NME7: variants seen among roughly 807,000 people sequenced by gnomAD.
The protein encoded by NME7 is nucleoside diphosphate kinase 7.
In NME7, 41 loss-of-function variants were observed where a neutral mutation model predicts 49.1. That is an observed-to-expected ratio of 0.83 (90% confidence interval 0.65 to 1.08). NME7 has a LOEUF of 1.08. Among genes scored for constraint, NME7 ranks in the 50% least tolerant of loss-of-function variants. NME7 has a pLI of 0.00. For missense variants in NME7, 423 were observed against 463.4 expected, an observed-to-expected ratio of 0.91 and a Z score of 0.80; for synonymous variants, 139 against 150.6, an observed-to-expected ratio of 0.92 and a Z score of 0.56.
chr1:169,336,969 G>A (rs888181750), intron 1 of NME7, among the ~76,000 whole-genome samples: 4 of 152,178 alleles, frequency 2.6e-5, no homozygotes, highest in African/African-American at 9.7e-5. Flanking sequence ...AGACATAAAG[G>A]TCCTCCAAGG....
intron 10 of NME7, among the ~76,000 whole-genome samples, chr1:169,215,575 C>CA (rs1052164505): frequency 2.4e-4 from 34 of 139,500 alleles, no homozygotes; most frequent in East Asian, 1.0e-3. Context: ...CAAAATGAAA[C>CA]AAAAAAAAAA....
chr1:169,169,544 C>T lies in NME7; in HGVS notation c.1001G>A (p.Arg334Gln), dbSNP rs150610040. The change falls in exon 11 of 12, where the codon CGG becomes CAG. Residue 334 changes from arginine (R) to glutamine (Q), a missense_variant. Physicochemically the swap from Arg to Gln is conservative, Grantham distance 43. Transcript: ENST00000367811. ...FCGPADPEIA[R>Q]HLRPGTLRAI... ...TCTGAGAGTTCCAGGGCGTAAATGC[C>T]GGGCAATTTCCTATTAAACATACAT... is the stretch of plus-strand genomic sequence containing the variant. 2.3e-4 allele frequency: 379 copies of T among 1,613,482 alleles called. No homozygotes were observed. Among genetic ancestry groups the T allele is most frequent in the Middle Eastern group, 4.9e-4 (3 of 6,080 alleles).
chr1:169,288,612 A>T (rs1394430910), intron 6 of NME7, among the ~76,000 whole-genome samples: 2 of 152,158 alleles, frequency 1.3e-5, no homozygotes, highest in Non-Finnish European at 2.9e-5. Context: ...ACTGATGAGC[A>T]TTTTTTTAAA....
At chr1:169,266,269 T>C (rs1649317659) in intron 7 of NME7, among the ~76,000 whole-genome samples, 1 of 133,536 alleles carries the variant, frequency 7.5e-6, no homozygotes, top group Admixed American at 7.3e-5. Context: ...TCCACCATGA[T>C]CAAGTAGGCT....
chr1:169,238,511 A>C (rs146050672), intron 7 of NME7, among the ~76,000 whole-genome samples: 17 of 150,772 alleles, frequency 1.1e-4, no homozygotes, highest in African/African-American at 4.2e-4. Context: ...ACACACACAC[A>C]CACACCATAT....
At chr1:169,169,857 A>T (rs1217550354) in intron 10 of NME7, among the ~76,000 whole-genome samples, 1 of 152,230 alleles carries the variant, frequency 6.6e-6, no homozygotes, top group Non-Finnish European at 1.5e-5. Flanking sequence ...ATTTAAAATG[A>T]ACCAATTTGA....
chr1:169,253,794 G>T (rs1385445614), intron 7 of NME7, among the ~76,000 whole-genome samples: 2 of 151,650 alleles, frequency 1.3e-5, no homozygotes, highest in Non-Finnish European at 2.9e-5. Flanking sequence ...TTTTGTCAAA[G>T]GCTTTTTCTG....
Position 169,296,472 on chromosome 1 carries a change from C to A in NME7, c.648+2084G>T, listed in dbSNP as rs201721456. Among the ~76,000 whole-genome samples, 884 of 144,708 alleles carry A rather than the reference C, an allele frequency of 6.1e-3. 5 individuals carry two copies. The highest frequency in any genetic ancestry group is 8.2e-3 in the Admixed American group (118 of 14,344). The allele number at this position is 144,708 out of a possible 152,430, so 94.9% of individuals were successfully genotyped here. On this transcript the variant is annotated intron_variant, in intron 6 of 11. Transcript: ENST00000367811. Reference sequence around the variant, plus strand: ...CTCCTTTGCTGCCTTCTTCTCCTTACCTTTTATCAAGATGTAGCTTCATCT... The same window carrying A: ...CTCCTTTGCTGCCTTCTTCTCCTTAACTTTTATCAAGATGTAGCTTCATCT...
intron 10 of NME7, among the ~76,000 whole-genome samples, chr1:169,174,025 C>T (rs1400863326): frequency 6.6e-6 from 1 of 152,156 alleles, no homozygotes; most frequent in East Asian, 1.9e-4. Context: ...TCATCCTCCC[C>T]TAAAACCTTG....
At chr1:169,300,600 A>G (rs1011708833) in intron 5 of NME7, among the ~76,000 whole-genome samples, 2 of 152,180 alleles carry the variant, frequency 1.3e-5, no homozygotes, top group African/African-American at 4.8e-5. Flanking sequence ...TATGTCAAGG[A>G]ACAAAATATA....
chr1:169,279,182 C>A (rs4614315), intron 7 of NME7, among the ~76,000 whole-genome samples: 96,256 of 151,978 alleles, frequency 0.63, 30,789 homozygotes, highest in East Asian at 0.92. Context: ...TCAGATCTCC[C>A]CCTGGGTGCT....
intron 10 of NME7, among the ~76,000 whole-genome samples, chr1:169,196,272 G>A (rs1293555475): frequency 2.6e-5 from 4 of 152,050 alleles, no homozygotes; most frequent in East Asian, 3.9e-4. Context: ...TGTTTAAAGC[G>A]CAACCATTTC....
intron 6 of NME7, among the ~76,000 whole-genome samples, chr1:169,297,362 GCTCT>G (rs1428036999): frequency 2.0e-5 from 3 of 152,080 alleles, no homozygotes; most frequent in South Asian, 2.1e-4. Flanking sequence ...CCCTAAAATG[GCTCT>G]CTATTTTTTC....
At chr1:169,367,626 TA>T in intron 1 of NME7, 81 bp downstream of exon 1, 1 of 1,539,926 alleles carries the variant, frequency 6.5e-7, no homozygotes, top group Non-Finnish European at 9.0e-7. Context: ...CGGACAACTT[TA>T]AGTGCCCATC....
intron 10 of NME7, among the ~76,000 whole-genome samples, chr1:169,219,271 GAAAAAT>G: frequency 6.6e-6 from 1 of 152,092 alleles, no homozygotes; most frequent in South Asian, 2.1e-4. Flanking sequence ...AAAATATTTG[GAAAAAT>G]AAAAAAATTG....
intron 1 of NME7, among the ~76,000 whole-genome samples, chr1:169,356,011 C>A (rs138579731): frequency 2.7e-3 from 407 of 152,234 alleles, no homozygotes; most frequent in Non-Finnish European, 5.1e-3. Context: ...TAGAGGTGAA[C>A]AGCCCTTGAT....
At chr1:169,157,458 C>G (rs2101829768) in intron 11 of NME7, among the ~76,000 whole-genome samples, 1 of 152,320 alleles carries the variant, frequency 6.6e-6, no homozygotes, top group South Asian at 2.1e-4. Flanking sequence ...GCAAGAAACC[C>G]AGGGCCTCTG....
chr1:169,301,523 A>C (rs1225203368), intron 5 of NME7, among the ~76,000 whole-genome samples: 2 of 152,160 alleles, frequency 1.3e-5, no homozygotes, highest in Non-Finnish European at 1.5e-5. Flanking sequence ...ATATTTCTCA[A>C]AGAACTTAAA....
intron 10 of NME7, among the ~76,000 whole-genome samples, chr1:169,230,488 T>C (rs544622580): frequency 2.0e-5 from 3 of 152,314 alleles, no homozygotes; most frequent in Admixed American, 6.5e-5. Flanking sequence ...GAAAATGCGA[T>C]AGTAAATGCT....
Sources: gnomAD v4.1 joint callset for allele counts (sites outside exome capture counted in the v4.1 genomes callset) on GRCh38, gnomAD v4.1.1 for gene constraint, MANE v1.5 for transcripts, NCBI Gene and HGNC (gene_info 2026-07-23, HGNC 2026-07-21) for gene names.